The following ATRIP variants were observed in gnomAD, a reference collection of about 807,000 sequenced individuals.
ATRIP encodes ATR-interacting protein.
In ATRIP, 44 loss-of-function variants were observed where a neutral mutation model predicts 78.1. The ratio of observed to expected loss-of-function variants is 0.56; its 90% CI spans 0.44 to 0.72. The LOEUF is 0.72. Among genes scored for constraint, ATRIP ranks in the 30% least tolerant of loss-of-function variants. The pLI, the probability that ATRIP is intolerant of heterozygous loss-of-function variation, is 0.00. For synonymous variants in ATRIP, 388 were observed against 408.9 expected, an observed-to-expected ratio of 0.95 and a Z score of 0.62; for missense variants, 927 against 980.2, an observed-to-expected ratio of 0.95 and a Z score of 0.72.
chr3:48,451,788 C>T lies in ATRIP; in HGVS notation c.441C>T (p.Asp147=). ...ATGGAGAAATTAAAATTTTGCGAGA[C>T]TCACTACATCAGACGGAATCCGTTC... ...IKNGEIKILR[D]SLHQTESVLE... is the part of the protein sequence containing the mutation. The change falls in exon 3 of 13, where the codon GAC becomes GAT. Residue 147 remains aspartate (D), a synonymous_variant. Coordinates refer to ENST00000320211, the MANE Select transcript of ATRIP (RefSeq NM_130384.3). The T allele has an allele frequency of 6.2e-7, 1 of 1,609,500 alleles. No homozygotes were observed. The highest frequency in any genetic ancestry group is 8.5e-7 in the Non-Finnish European group (1 of 1,177,502).
chr3:48,461,684 TTTG>T (rs1409947671), intron 8 of ATRIP, among the ~76,000 whole-genome samples: 5 of 152,074 alleles, frequency 3.3e-5, no homozygotes, highest in South Asian at 2.1e-4. Context: ...GCTGTTTTTT[TTTG>T]TTGTTGTTTA....
Position 48,460,167 on chromosome 3 carries a change from C to T in ATRIP, c.1113C>T (p.Ser371=). The T allele has an allele frequency of 6.2e-7, 1 of 1,613,944 alleles. No homozygotes were observed. The change falls in exon 8 of 13, where the codon TCC becomes TCT. Residue 371 remains serine (S), a synonymous_variant. Transcript: ENST00000320211. The part of the protein sequence containing the change: ...RTTGSYDGSF[S]LSALREAQNL... ...CAGGTTCTTATGATGGGTCATTTTC[C>T]CTCTCAGCCCTGAGAGAAGCACAGA...
In ATRIP at chr3:48,459,893, C is replaced by T. The variant is rs761848836; in HGVS notation, c.1032C>T (p.Pro344=). 1.2e-6 allele frequency: 2 copies of T among 1,613,452 alleles called. No homozygotes were observed. Among genetic ancestry groups the T allele is most frequent in the South Asian group, 2.2e-5 (2 of 90,982 alleles). ...GTTCTGAGTCTCCTGCTGGCACCCC[C>T]CTGCAGCCACCAGGGTTTGGCAGGT... ...SSSSESPAGT[P]LQPPGFGSTL... The change falls in exon 7 of 13, where the codon CCC becomes CCT. Residue 344 remains proline, a synonymous_variant. Coordinates refer to ENST00000320211, the MANE Select transcript of ATRIP (RefSeq NM_130384.3).
At chr3:48,463,919 C>G (rs2107237738) in intron 9 of ATRIP, 38 bp downstream of exon 9, 1 of 1,610,806 alleles carries the variant, frequency 6.2e-7, no homozygotes, top group South Asian at 1.1e-5. Context: ...ACTGCTCCTG[C>G]AGATCAAGGG....
rs2040302171 is a variant in ATRIP at position 48,466,465 on chromosome 3, C to T, written c.*911C>T. The T allele has an allele frequency of 3.1e-6, 5 of 1,613,668 alleles. No homozygotes were observed. In the East Asian group the frequency reaches 6.7e-5, roughly 22 times the overall value. On this transcript the variant is annotated 3_prime_UTR_variant, in exon 13 of 13. Coordinates refer to ENST00000320211, the MANE Select transcript of ATRIP (RefSeq NM_130384.3). ...GCTGGTCCCACTAAGGAAACCACCT[C>T]ACCCTCTCCAACTTCCTGCCTGAAA... is the stretch of plus-strand genomic sequence containing the variant.
intron 8 of ATRIP, among the ~76,000 whole-genome samples, chr3:48,461,717 G>A: frequency 6.6e-6 from 1 of 151,890 alleles, no homozygotes. Flanking sequence ...TTTTGTTTTT[G>A]TTTTGAGACG....
At chr3:48,452,866 T>C (rs2039867574) in intron 3 of ATRIP, among the ~76,000 whole-genome samples, 1 of 132,482 alleles carries the variant, frequency 7.5e-6, no homozygotes, top group South Asian at 2.5e-4. Context: ...AGGGAAATTA[T>C]TGAATTTTTT....
In ATRIP at chr3:48,464,967, C is replaced by A. The variant is rs200785749; in HGVS notation, c.2192C>A (p.Ser731Ter). Residue 731 changes from serine (S) to a stop codon, truncating the protein, a stop_gained, in exon 12 of 13, where the codon TCG becomes TAG. Transcript: ENST00000320211. LOFTEE classifies it high-confidence loss of function. ...ACGGTGCTGCTGCTGCACGGCCTAT[C>A]GCAGAAGGACAAGCTCTTCATGATG... ...RDTVLLLHGL[S>*]QKDKLFMMHC... 3.7e-6 allele frequency: 6 copies of A among 1,614,118 alleles called. No homozygotes were observed. Among genetic ancestry groups the A allele is most frequent in the African/African-American group, 1.3e-5 (1 of 75,056 alleles).
chr3:48,451,631 TC>T, intron 2 of ATRIP, 97 bp from the exon 3 acceptor site: 1 of 1,040,592 alleles, frequency 9.6e-7, no homozygotes, highest in South Asian at 1.7e-5. Flanking sequence ...TGTCTGTTTT[TC>T]CTGTGCTTTC....
chr3:48,450,167 A>G lies in ATRIP; in HGVS notation c.378A>G (p.Glu126=), dbSNP rs747070222. 1.2e-6 allele frequency: 2 copies of G among 1,608,296 alleles called. No individual in the cohort carries two copies. Among genetic ancestry groups the G allele is most frequent in the Non-Finnish European group, 1.7e-6 (2 of 1,178,256 alleles). Residue 126 remains glutamate (E), a synonymous_variant, in exon 2 of 13, where the codon GAA becomes GAG. Transcript: ENST00000320211. The part of the protein sequence containing the change: ...VLQAQYKELK[E]KMKVMEEEVL... ...AGGCACAATACAAAGAACTTAAAGA[A>G]AAGGTAAGTGACTTAACTTGTGGTT...
intron 2 of ATRIP, among the ~76,000 whole-genome samples, chr3:48,451,004 C>G (rs942522895): frequency 6.7e-6 from 1 of 149,632 alleles, no homozygotes; most frequent in Non-Finnish European, 1.5e-5. Context: ...GCCTGGCCAA[C>G]ATGGTGAAAA....
Position 48,466,531 on chromosome 3 carries a change from G to T in ATRIP, c.*977G>T, listed in dbSNP as rs1004374077. The stretch of plus-strand genomic sequence containing the variant: ...CGCAGACAGGGCAGGATTGTGCAGG[G>T]AAGGCCTGAGATGTGCTTCTGCCCA... On this transcript the variant is annotated 3_prime_UTR_variant, in exon 13 of 13. Transcript: ENST00000320211. 1 of 1,613,928 alleles carries T rather than the reference G, an allele frequency of 6.2e-7. No individual in the cohort carries two copies. The highest frequency in any genetic ancestry group is 1.7e-5 in the Admixed American group (1 of 60,012).
intron 1 of ATRIP, 87 bp from the exon 2 acceptor site, chr3:48,449,950 A>C: frequency 6.9e-7 from 1 of 1,440,768 alleles, no homozygotes; most frequent in East Asian, 2.3e-5. Flanking sequence ...AAAAGAAAAA[A>C]AAAAAAAAAG....
Position 48,466,697 on chromosome 3 carries a change from C to T in ATRIP, c.*1143C>T. The stretch of plus-strand genomic sequence containing the variant: ...TGCCCCCGGGGCCCATGCAGACCCT[C>T]ATCTTTTTCGACATGGAGGCCACTG... On this transcript the variant is annotated 3_prime_UTR_variant, in exon 13 of 13. Transcript: ENST00000320211. 6.2e-7 allele frequency: 1 copy of T among 1,614,104 alleles called. No homozygotes were observed. Among genetic ancestry groups the T allele is most frequent in the Non-Finnish European group, 8.5e-7 (1 of 1,180,018 alleles).
At position 48,460,813 on chromosome 3, in the gene ATRIP, T is replaced by A; in HGVS notation, c.1745+14T>A. 6.3e-7 allele frequency: 1 copy of A among 1,577,046 alleles called. No homozygotes were observed. The highest frequency in any genetic ancestry group is 8.7e-7 in the Non-Finnish European group (1 of 1,155,524). Reference sequence around the variant, plus strand: ...TTTCTTGCCCAGGTATTAAGCTGCATAGGAGTCATGATTCTTTGTGGGTCT... The same window carrying A: ...TTTCTTGCCCAGGTATTAAGCTGCAAAGGAGTCATGATTCTTTGTGGGTCT... On this transcript the variant is annotated intron_variant, in intron 8 of 12. Transcript: ENST00000320211.
At position 48,448,401 on chromosome 3, in the gene ATRIP, A is replaced by T. The variant is rs367903106; in HGVS notation, c.247+1309A>T. Among the ~76,000 whole-genome samples the T allele has an allele frequency of 5.3e-5, 8 of 152,224 alleles. No homozygotes were observed. The East Asian group carries it at 9.6e-4, about 18-fold the overall frequency. ...CGCCATGTTGGCCAGGCTGGTCTCAAACTGCTGACCTCAGGTGATCCACCC... is the reference window on the plus strand; with the variant it reads ...CGCCATGTTGGCCAGGCTGGTCTCATACTGCTGACCTCAGGTGATCCACCC... On this transcript the variant is annotated intron_variant, in intron 1 of 12. Coordinates refer to ENST00000320211, the MANE Select transcript of ATRIP (RefSeq NM_130384.3).
At chr3:48,454,031 G>A (rs2039895755) in intron 3 of ATRIP, among the ~76,000 whole-genome samples, 1 of 152,070 alleles carries the variant, frequency 6.6e-6, no homozygotes, top group Non-Finnish European at 1.5e-5. Context: ...AAGTGCTTAG[G>A]ATTACAGGCC....
chr3:48,454,593 T>G (rs549297910), intron 4 of ATRIP, among the ~76,000 whole-genome samples, 175 bp downstream of exon 4: 1 of 152,162 alleles, frequency 6.6e-6, no homozygotes, highest in Non-Finnish European at 1.5e-5. Flanking sequence ...GTTTGAGACA[T>G]CACAGCATAA....
chr3:48,465,445 C>T lies in ATRIP; in HGVS notation c.2309-42C>T, dbSNP rs750184297. 3.1e-6 allele frequency: 5 copies of T among 1,589,856 alleles called. No individual in the cohort carries two copies. The African/African-American group carries it at 4.0e-5, about 13-fold the overall frequency. On this transcript the variant is annotated intron_variant, in intron 12 of 12. Coordinates refer to ENST00000320211, the MANE Select transcript of ATRIP (RefSeq NM_130384.3). ...AGGTGGGACCTGCCCTAGGCCCTGG[C>T]ACCTTTGGGCCCTCACCAGGAACCT...
Sources: allele counts gnomAD v4.1 joint callset (sites outside exome capture counted in the v4.1 genomes callset), GRCh38; gene constraint gnomAD v4.1.1; transcripts MANE v1.5; gene names NCBI Gene and HGNC (gene_info 2026-07-23, HGNC 2026-07-21).